Variants in COL4A1 observed in about 807,000 individuals in gnomAD.
COL4A1 encodes collagen alpha-1(IV) chain.
A neutral mutation model predicts 216.6 loss-of-function variants in COL4A1; 40 were observed. The observed-to-expected ratio is 0.18, with a 90% CI of 0.14 to 0.24. COL4A1 has a LOEUF of 0.24. Among genes scored for constraint, COL4A1 ranks in the 10% least tolerant of loss-of-function variants. The pLI, the probability that COL4A1 is intolerant of heterozygous loss-of-function variation, is 1.00. For synonymous variants in COL4A1, 839 were observed against 810.7 expected (o/e 1.03, Z -0.59); for missense variants, 1,628 against 2,196.8 (o/e 0.74, Z 5.18).
chr13:110,199,549 T>C (rs1004241674), intron 20 of COL4A1, among the ~76,000 whole-genome samples: 2 of 152,082 alleles, frequency 1.3e-5, no homozygotes, highest in African/African-American at 4.8e-5. Context: ...AGGGGCAGCA[T>C]GTCTAATGGA....
At position 110,240,831 on chromosome 13, in the gene COL4A1, C is replaced by G. The variant is rs536794840; in HGVS notation, c.144+1844G>C. ...TTGATGAGTGGATTTTTGGGAAAAACTGAAATAAATTACGTTAAAAAAGTT... is the reference window on the plus strand; with the variant it reads ...TTGATGAGTGGATTTTTGGGAAAAAGTGAAATAAATTACGTTAAAAAAGTT... On this transcript the variant is annotated intron_variant, in intron 2 of 51. Transcript: ENST00000375820. 3.9e-5 allele frequency among the ~76,000 whole-genome samples: 6 copies of G among 152,322 alleles called. No homozygotes were observed. The East Asian group carries it at 1.2e-3, about 29-fold the overall frequency.
intron 47 of COL4A1, among the ~76,000 whole-genome samples, chr13:110,162,965 C>A (rs1386737729): frequency 6.6e-6 from 1 of 152,230 alleles, no homozygotes; most frequent in African/African-American, 2.4e-5. Context: ...TCTAACTGTG[C>A]CACGTGCCAA....
chr13:110,193,956 C>T (rs1878760988), intron 22 of COL4A1, among the ~76,000 whole-genome samples: 1 of 152,158 alleles, frequency 6.6e-6, no homozygotes, highest in African/African-American at 2.4e-5. Flanking sequence ...ACGATGGAGT[C>T]GAAAGAGGAA....
intron 1 of COL4A1, among the ~76,000 whole-genome samples, chr13:110,299,073 G>C (rs1217632876): frequency 6.6e-6 from 1 of 152,204 alleles, no homozygotes; most frequent in African/African-American, 2.4e-5. Context: ...GCTGGAACCG[G>C]GATTGCGGGC....
Position 110,181,365 on chromosome 13 carries a change from A to G in COL4A1, c.2120T>C (p.Met707Thr), listed in dbSNP as rs1320941352. The G allele has an allele frequency of 4.3e-6, 7 of 1,613,536 alleles. No homozygotes were observed. The South Asian group carries it at 6.6e-5, about 15-fold the overall frequency. ...PKGVDGLPGD[M>T]GPPGTPGRPG... ...GCGACCTGGAGTCCCCGGTGGCCCCATGTCTCCAGGTAAGCCGTCAACACC... is the reference window on the plus strand; with the variant it reads ...GCGACCTGGAGTCCCCGGTGGCCCCGTGTCTCCAGGTAAGCCGTCAACACC... The change falls in exon 29 of 52, where the codon ATG becomes ACG. Residue 707 changes from methionine (M) to threonine (T), a missense_variant. Physicochemically the swap from Met to Thr is moderately conservative, Grantham distance 81. Around this residue, in one of 8 missense-constraint regions of COL4A1, gnomAD observed 701 missense variants for 892.5 expected, o/e 0.79. Transcript: ENST00000375820.
intron 1 of COL4A1, among the ~76,000 whole-genome samples, chr13:110,248,354 C>T (rs1230521879): frequency 8.5e-6 from 1 of 117,676 alleles, no homozygotes; most frequent in African/African-American, 3.4e-5. Flanking sequence ...GGCGCTCAGC[C>T]GCCTCCGCTG....
At chr13:110,285,018 C>G (rs1883780540) in intron 1 of COL4A1, among the ~76,000 whole-genome samples, 1 of 152,238 alleles carries the variant, frequency 6.6e-6, no homozygotes, top group Non-Finnish European at 1.5e-5. Context: ...TAGCGAGGCA[C>G]ATGCCCTCAG....
intron 43 of COL4A1, among the ~76,000 whole-genome samples, chr13:110,167,773 A>T (rs1476803043): frequency 6.6e-6 from 1 of 152,212 alleles, no homozygotes; most frequent in East Asian, 1.9e-4. Flanking sequence ...ATTTTAAAAT[A>T]GGGGCTCATT....
chr13:110,193,373 C>T (rs1878732224), intron 22 of COL4A1, among the ~76,000 whole-genome samples: 1 of 152,152 alleles, frequency 6.6e-6, no homozygotes, highest in African/African-American at 2.4e-5. Context: ...AATAAGAAGC[C>T]ACAAAAGCAA....
chr13:110,190,294 C>G lies in COL4A1; in HGVS notation c.1536+1920G>C, dbSNP rs142441667. Among the ~76,000 whole-genome samples the G allele has an allele frequency of 1.5e-4, 23 of 152,198 alleles. No homozygotes were observed. In the East Asian group the frequency reaches 4.2e-3, roughly 28 times the overall value. On this transcript the variant is annotated intron_variant, in intron 24 of 51. Coordinates refer to ENST00000375820, the MANE Select transcript of COL4A1 (RefSeq NM_001845.6). ...CTGAAAATAAATGCTGAGGATTCAA[C>G]TACTGCCTGGAAAATTTAGCATTGG...
At chr13:110,290,664 C>G (rs564764882) in intron 1 of COL4A1, among the ~76,000 whole-genome samples, 3 of 152,214 alleles carry the variant, frequency 2.0e-5, no homozygotes, top group Non-Finnish European at 4.4e-5. Context: ...CCACTCTCCA[C>G]CCCACTTTTA....
At chr13:110,187,806 A>G (rs1009737266) in intron 24 of COL4A1, among the ~76,000 whole-genome samples, 12 of 152,148 alleles carry the variant, frequency 7.9e-5, no homozygotes, top group Non-Finnish European at 1.2e-4. Flanking sequence ...CCTTTTCTCC[A>G]GCTTCTGGGC....
chr13:110,161,101 G>A (rs1877062310), intron 49 of COL4A1, 91 bp downstream of exon 49: 9 of 1,359,998 alleles, frequency 6.6e-6, no homozygotes, highest in East Asian at 2.3e-5. Context: ...TGGATTCAAC[G>A]TTTTGGAGAA....
Position 110,155,411 on chromosome 13 carries a change from A to C in COL4A1, c.4641-14T>G, listed in dbSNP as rs1435724057. The C allele has an allele frequency of 1.2e-6, 2 of 1,601,446 alleles. No individual in the cohort carries two copies. The highest frequency in any genetic ancestry group is 3.3e-5 in the Admixed American group (2 of 59,904). On this transcript the variant is annotated splice_polypyrimidine_tract_variant and intron_variant, in intron 49 of 51. Coordinates refer to ENST00000375820, the MANE Select transcript of COL4A1 (RefSeq NM_001845.6). ...CACACAGCACACCTGGAAGTGGAGC[A>C]GAGACACTCAGCACAGCCGGGGTGC...
rs540313192 is a variant in COL4A1, at chr13:110,305,447, C to T, written c.84+1497G>A. On this transcript the variant is annotated intron_variant, in intron 1 of 51. Coordinates refer to ENST00000375820, the MANE Select transcript of COL4A1 (RefSeq NM_001845.6). ...GCTTTCTTTGCTTTGCTAACATTAT[C>T]CATCAGAAAATCGAAATGCAAACAG... Among the ~76,000 whole-genome samples, 92 of 152,342 alleles carry T rather than the reference C, an allele frequency of 6.0e-4. 3 individuals are homozygous for T. The South Asian group carries it at 0.018, about 30-fold the overall frequency.
chr13:110,167,345 G>C, intron 43 of COL4A1, 115 bp from the exon 44 acceptor site: 5 of 817,222 alleles, frequency 6.1e-6, no homozygotes, highest in Non-Finnish European at 1.1e-5. Flanking sequence ...AAGCACATTT[G>C]TGAACAAATG....
At chr13:110,187,609 C>T (rs1461693057) in intron 24 of COL4A1, among the ~76,000 whole-genome samples, 7 of 152,086 alleles carry the variant, frequency 4.6e-5, no homozygotes. Flanking sequence ...CTTTGGGCAC[C>T]CAGCTCTCCT....
intron 41 of COL4A1, among the ~76,000 whole-genome samples, chr13:110,172,448 G>A (rs1178789271): frequency 6.6e-6 from 1 of 152,198 alleles, no homozygotes; most frequent in African/African-American, 2.4e-5. Context: ...AAAAATGACA[G>A]GGGTCTCGCC....
chr13:110,182,151 G>C (rs1198130207), intron 28 of COL4A1, among the ~76,000 whole-genome samples: 1 of 152,194 alleles, frequency 6.6e-6, no homozygotes, highest in African/African-American at 2.4e-5. Context: ...CTCAGCGCCT[G>C]GCCCTCCTGA....
Sources: gnomAD v4.1 joint callset for allele counts (sites outside exome capture counted in the v4.1 genomes callset) on GRCh38, gnomAD v4.1.1 for gene constraint, gnomAD v4.1.1 regional missense constraint, MANE v1.5 for transcripts, NCBI Gene and HGNC (gene_info 2026-07-23, HGNC 2026-07-21) for gene names.